Variants in CCSER2 observed in about 807,000 individuals in gnomAD.
The protein encoded by CCSER2 is coiled-coil serine rich protein 2, also known as serine-rich coiled-coil domain-containing protein 2.
A neutral mutation model predicts 92.3 loss-of-function variants in CCSER2; 46 were observed. The observed-to-expected ratio is 0.50, with a 90% CI of 0.39 to 0.64. The LOEUF is 0.64. Ranked by LOEUF, CCSER2 falls within the 30% of genes least tolerant of loss-of-function variation. The pLI is 0.00. For synonymous variants in CCSER2, 433 were observed against 431.4 expected (o/e 1.00, Z -0.04); for missense variants, 1,244 against 1,238.9 (o/e 1.00, Z -0.06).
intron 5 of CCSER2, among the ~76,000 whole-genome samples, chr10:84,428,994 T>TATATATATATATAC (rs1843607016): frequency 1.1e-5 from 1 of 92,926 alleles, no homozygotes; most frequent in South Asian, 3.2e-4. Context: ...TGTATATATA[T>TATATATATATATAC]ATATATATAT....
chr10:84,388,429 A>G (rs1215100714), intron 3 of CCSER2, among the ~76,000 whole-genome samples: 3 of 152,156 alleles, frequency 2.0e-5, no homozygotes, highest in South Asian at 2.1e-4. Flanking sequence ...TTCCACATTC[A>G]TTCATACTCA....
chr10:84,511,584 GA>G (rs1391637243), intron 9 of CCSER2, among the ~76,000 whole-genome samples: 1 of 152,090 alleles, frequency 6.6e-6, no homozygotes, highest in Non-Finnish European at 1.5e-5. Context: ...TTTTAACTTG[GA>G]ACTAGAATAT....
At chr10:84,366,498 A>G (rs576940625) in intron 1 of CCSER2, among the ~76,000 whole-genome samples, 37 of 152,190 alleles carry the variant, frequency 2.4e-4, no homozygotes, top group Admixed American at 4.6e-4. Flanking sequence ...CACAATTAGA[A>G]GACAAACTCA....
At chr10:84,345,715 C>T (rs1844438747) in intron 1 of CCSER2, among the ~76,000 whole-genome samples, 1 of 152,066 alleles carries the variant, frequency 6.6e-6, no homozygotes. Flanking sequence ...TTGTATTGAC[C>T]AATTGAACTG....
chr10:84,464,008 G>C lies in CCSER2; in HGVS notation c.2140G>C (p.Val714Leu). Residue 714 changes from valine to leucine, a missense_variant, in exon 7 of 10, where the codon GTA (valine) becomes CTA (leucine). Coordinates refer to ENST00000372088, the MANE Select transcript of CCSER2 (RefSeq NM_001284240.2). Reference sequence around the variant, plus strand: ...TCCAGAACCAGAAGATGGTGATAAAGTATATAAGGTATGACTATGTAGTCA... The same window carrying C: ...TCCAGAACCAGAAGATGGTGATAAACTATATAAGGTATGACTATGTAGTCA... Reference protein sequence around the residue: ...SSPEPEDGDKVYKNEDLLNEI... With the variant: ...SSPEPEDGDKLYKNEDLLNEI... 2 of 1,591,496 alleles carry C rather than the reference G, an allele frequency of 1.3e-6. No homozygotes were observed. Among genetic ancestry groups the C allele is most frequent in the Non-Finnish European group, 1.7e-6 (2 of 1,160,492 alleles).
chr10:84,482,169 G>A (rs1009334432), intron 9 of CCSER2, among the ~76,000 whole-genome samples: 8 of 152,076 alleles, frequency 5.3e-5, no homozygotes, highest in African/African-American at 1.9e-4. Flanking sequence ...TCAGATTTAG[G>A]TGGAGGAAAA....
At chr10:84,412,762 C>T (rs1842716947) in intron 3 of CCSER2, among the ~76,000 whole-genome samples, 1 of 152,156 alleles carries the variant, frequency 6.6e-6, no homozygotes, top group Admixed American at 6.5e-5. Flanking sequence ...GAACCAGAAA[C>T]ATATGGGTAC....
At chr10:84,349,901 C>T (rs1382838318) in intron 1 of CCSER2, among the ~76,000 whole-genome samples, 1 of 152,126 alleles carries the variant, frequency 6.6e-6, no homozygotes, top group Non-Finnish European at 1.5e-5. Flanking sequence ...CGCCTGTAAT[C>T]CCAGCACTTT....
chr10:84,392,336 A>AAAT (rs1334163908), intron 3 of CCSER2, among the ~76,000 whole-genome samples: 1 of 151,446 alleles, frequency 6.6e-6, no homozygotes, highest in Non-Finnish European at 1.5e-5. Flanking sequence ...AAAAAAAAAA[A>AAAT]AAAAATCTGT....
chr10:84,345,519 T>C (rs895635075), intron 1 of CCSER2, among the ~76,000 whole-genome samples: 1 of 152,222 alleles, frequency 6.6e-6, no homozygotes, highest in Admixed American at 6.5e-5. Context: ...TGTTGAGTAC[T>C]CTTCTATTTG....
chr10:84,428,187 A>G (rs909063640), intron 5 of CCSER2, among the ~76,000 whole-genome samples: 1 of 152,146 alleles, frequency 6.6e-6, no homozygotes, highest in Admixed American at 6.5e-5. Flanking sequence ...ACCAAGGACC[A>G]GTCTCCTGGA....
intron 3 of CCSER2, among the ~76,000 whole-genome samples, chr10:84,415,114 G>A (rs963551438): frequency 6.6e-6 from 1 of 152,156 alleles, no homozygotes; most frequent in African/African-American, 2.4e-5. Flanking sequence ...AGCGAAGTTT[G>A]TTGTTAACTC....
chr10:84,465,290 T>A (rs72826291), intron 7 of CCSER2, among the ~76,000 whole-genome samples: 32,455 of 100,522 alleles, frequency 0.32, 5,935 homozygotes, highest in East Asian at 0.44. Flanking sequence ...TGTGTGTGTG[T>A]GAAAAAGTTT....
chr10:84,468,061 A>T (rs533176643), intron 7 of CCSER2, among the ~76,000 whole-genome samples: 2 of 152,300 alleles, frequency 1.3e-5, no homozygotes, highest in East Asian at 3.9e-4. Context: ...GCTCTCTGTG[A>T]TCTGGCCCTT....
At chr10:84,499,778 C>A in intron 9 of CCSER2, 1 of 1,170,102 alleles carries the variant, frequency 8.5e-7, no homozygotes, top group South Asian at 1.3e-5. Flanking sequence ...CACTATTGCT[C>A]TGTGTTATTT....
intron 1 of CCSER2, among the ~76,000 whole-genome samples, chr10:84,370,432 C>T (rs886431144): frequency 1.3e-5 from 2 of 151,884 alleles, no homozygotes; most frequent in South Asian, 4.1e-4. Flanking sequence ...TCAGCTTAGT[C>T]ATTGTTGGTA....
intron 5 of CCSER2, among the ~76,000 whole-genome samples, chr10:84,428,866 T>A (rs944391590): frequency 9.2e-5 from 14 of 151,926 alleles, no homozygotes; most frequent in Admixed American, 5.2e-4. Flanking sequence ...ATAATCTTTT[T>A]TTTCCGCTTT....
Position 84,438,958 on chromosome 10 carries a change from T to G in CCSER2, c.2064+251T>G, listed in dbSNP as rs190654060. The stretch of plus-strand genomic sequence containing the variant: ...TTGGTAAGCCAATCTCTGCTTCTGT[T>G]TCTTCATTTTCATAATACCTACATT... On this transcript the variant is annotated intron_variant, in intron 6 of 9. Coordinates refer to ENST00000372088, the MANE Select transcript of CCSER2 (RefSeq NM_001284240.2). Among the ~76,000 whole-genome samples the G allele has an allele frequency of 2.9e-3, 441 of 152,260 alleles. 1 individual carries two copies. Among genetic ancestry groups the G allele is most frequent in the Non-Finnish European group, 4.6e-3 (311 of 68,002 alleles).
chr10:84,430,733 C>T (rs1843720549), intron 5 of CCSER2, among the ~76,000 whole-genome samples: 1 of 152,196 alleles, frequency 6.6e-6, no homozygotes. Context: ...AATTAAAATG[C>T]CACAGAGCTT....
Sources: allele counts gnomAD v4.1 joint callset (sites outside exome capture counted in the v4.1 genomes callset), GRCh38; gene constraint gnomAD v4.1.1; transcripts MANE v1.5; gene names NCBI Gene and HGNC (gene_info 2026-07-23, HGNC 2026-07-21).